Variants in TCERG1 observed in about 807,000 individuals in gnomAD.
TCERG1 encodes the protein transcription elongation regulator 1.
In TCERG1, 37 loss-of-function variants were observed where a neutral mutation model predicts 144.7. The observed-to-expected ratio is 0.26, with a 90% CI of 0.20 to 0.34. The LOEUF is 0.34. Ranked by LOEUF, TCERG1 falls within the 10% of genes least tolerant of loss-of-function variation. TCERG1 has a pLI of 1.00. For missense variants in TCERG1, 1,027 were observed against 1,380.7 expected (o/e 0.74, Z 4.06); for synonymous variants, 492 against 458.2 (o/e 1.07, Z -0.94).
chr5:146,462,480 G>T (rs1763421934), intron 4 of TCERG1, among the ~76,000 whole-genome samples: 1 of 152,214 alleles, frequency 6.6e-6, no homozygotes, highest in African/African-American at 2.4e-5. Flanking sequence ...ATGAAATAAG[G>T]ATTTTAGTTT....
chr5:146,463,268 G>T (rs750863822), intron 4 of TCERG1, among the ~76,000 whole-genome samples: 7 of 151,902 alleles, frequency 4.6e-5, no homozygotes, highest in South Asian at 2.1e-4. Flanking sequence ...TTTTCAAGGC[G>T]CAGCATCCCA....
chr5:146,485,508 T>C (rs79119708), intron 15 of TCERG1, among the ~76,000 whole-genome samples: 2,824 of 152,284 alleles, frequency 0.019, 94 homozygotes, highest in African/African-American at 0.064. Flanking sequence ...CTGAGTGTTA[T>C]AGTGAAATTA....
rs112605671 is a variant in TCERG1 at position 146,455,669 on chromosome 5, A to G, written c.285+388A>G. ...CCAGCAAGTCTAAAAATATATGTGTATATGTTCCTGAGTAAGTCTTCCTCC... is the reference window on the plus strand; with the variant it reads ...CCAGCAAGTCTAAAAATATATGTGTGTATGTTCCTGAGTAAGTCTTCCTCC... On this transcript the variant is annotated intron_variant, in intron 2 of 22. Coordinates refer to ENST00000679501, the MANE Select transcript of TCERG1 (RefSeq NM_001382548.1). Among the ~76,000 whole-genome samples, 6 of 152,334 alleles carry G rather than the reference A, an allele frequency of 3.9e-5. 1 individual carries two copies. The highest frequency in any genetic ancestry group is 1.4e-4 in the African/African-American group (6 of 41,580).
Position 146,459,326 on chromosome 5 carries a change from A to G in TCERG1, c.881A>G (p.Gln294Arg), listed in dbSNP as rs199852950. 6.2e-7 allele frequency: 1 copy of G among 1,613,946 alleles called. No individual in the cohort carries two copies. Among genetic ancestry groups the G allele is most frequent in the Non-Finnish European group, 8.5e-7 (1 of 1,179,946 alleles). Residue 294 changes from glutamine (Q) to arginine (R), a missense_variant, in exon 4 of 23, where the codon CAG becomes CGG. Physicochemically the swap from Gln to Arg is conservative, Grantham distance 43. Transcript: ENST00000679501. ...ACAACAACTGCTACTTCAGTTGCGC[A>G]GACAGTATCAAGTGAGTACCACTCA... ...STTTTATSVAQTVSTPTTQDQ... is the reference protein window; with the variant it reads ...STTTTATSVARTVSTPTTQDQ...
At chr5:146,510,112 G>C (rs988227452) in intron 22 of TCERG1, 1 of 1,312,194 alleles carries the variant, frequency 7.6e-7, no homozygotes, top group African/African-American at 1.5e-5. Context: ...GAAAGATGCT[G>C]GGATTGGCAG....
chr5:146,510,385 C>G, intron 22 of TCERG1, 56 bp from the exon 23 acceptor site: 1 of 1,189,594 alleles, frequency 8.4e-7, no homozygotes, highest in African/African-American at 1.6e-5. Context: ...CAGCTCATTT[C>G]TGAAAGACCT....
At chr5:146,455,632 T>C (rs1762758873) in intron 2 of TCERG1, among the ~76,000 whole-genome samples, 1 of 152,214 alleles carries the variant, frequency 6.6e-6, no homozygotes, top group Non-Finnish European at 1.5e-5. Context: ...TTATTTTCAA[T>C]GATATATGTT....
At chr5:146,470,086 T>A (rs1164083544) in intron 7 of TCERG1, among the ~76,000 whole-genome samples, 1 of 152,190 alleles carries the variant, frequency 6.6e-6, no homozygotes, top group Non-Finnish European at 1.5e-5. Flanking sequence ...TTTTTATATG[T>A]GTTCTGAAGA....
intron 16 of TCERG1, 110 bp from the exon 17 acceptor site, chr5:146,498,426 C>A: frequency 8.7e-7 from 1 of 1,149,246 alleles, no homozygotes; most frequent in South Asian, 1.7e-5. Context: ...GATGTTGAGT[C>A]CCAGTGTCTC....
Position 146,459,347 on chromosome 5 carries a change from A to C in TCERG1, c.892+10A>C. 2.5e-6 allele frequency: 4 copies of C among 1,610,480 alleles called. No individual in the cohort carries two copies. The highest frequency in any genetic ancestry group is 3.4e-6 in the Non-Finnish European group (4 of 1,177,504). On this transcript the variant is annotated intron_variant, in intron 4 of 22. Coordinates refer to ENST00000679501, the MANE Select transcript of TCERG1 (RefSeq NM_001382548.1). ...GCGCAGACAGTATCAAGTGAGTACC[A>C]CTCAGCATGTGTTTTTATATAGGGG...
intron 4 of TCERG1, among the ~76,000 whole-genome samples, chr5:146,463,308 T>C (rs1423477054): frequency 6.6e-6 from 1 of 152,220 alleles, no homozygotes; most frequent in Admixed American, 6.5e-5. Context: ...CTCTCACAGT[T>C]AGAAATGTTC....
At position 146,480,104 on chromosome 5, in the gene TCERG1, A is replaced by G; in HGVS notation, c.1886+10A>G. On this transcript the variant is annotated intron_variant, in intron 12 of 22. Transcript: ENST00000679501. ...AAGCAAAAAAACGGAAGTAAGTAAT[A>G]CATACGATTTGATTGAGGTAGATTA... 1 of 1,572,458 alleles carries G rather than the reference A, an allele frequency of 6.4e-7. No homozygotes were observed. Among genetic ancestry groups the G allele is most frequent in the Non-Finnish European group, 8.6e-7 (1 of 1,158,662 alleles).
At position 146,459,072 on chromosome 5, in the gene TCERG1, T is replaced by C. The variant is rs754374551; in HGVS notation, c.627T>C (p.Ala209=). The C allele has an allele frequency of 1.0e-3, 1,624 of 1,606,198 alleles. 8 individuals are homozygous for C. The African/African-American group carries it at 0.016, about 16-fold the overall frequency. The change falls in exon 4 of 23, where the codon GCT becomes GCC. Residue 209 remains alanine (A), a synonymous_variant. Transcript: ENST00000679501. The part of the protein sequence containing the change: ...AQAQAQAQAQ[A]QAQAQAQAQA... ...CACAAGCTCAGGCCCAGGCTCAGGC[T>C]CAGGCCCAGGCCCAGGCCCAGGCCC...
At chr5:146,508,487 C>T (rs990524999) in intron 21 of TCERG1, among the ~76,000 whole-genome samples, 5 of 152,150 alleles carry the variant, frequency 3.3e-5, no homozygotes, top group Admixed American at 1.3e-4. Flanking sequence ...TATAAAAACT[C>T]ATAAATCTAA....
rs780618123 is a variant in TCERG1, at chr5:146,459,330, A to G, written c.885A>G (p.Thr295=). Residue 295 remains threonine (T), a synonymous_variant, in exon 4 of 23, where the codon ACA becomes ACG. Coordinates refer to ENST00000679501, the MANE Select transcript of TCERG1 (RefSeq NM_001382548.1). The part of the protein sequence containing the change: ...TTTTATSVAQ[T]VSTPTTQDQT... ...CAACTGCTACTTCAGTTGCGCAGAC[A>G]GTATCAAGTGAGTACCACTCAGCAT... 4 of 1,613,892 alleles carry G rather than the reference A, an allele frequency of 2.5e-6. No individual in the cohort carries two copies. Among genetic ancestry groups the G allele is most frequent in the African/African-American group, 2.7e-5 (2 of 74,952 alleles).
rs570370401 is a variant in TCERG1 at position 146,481,327 on chromosome 5, ATTAG to A, written c.1937+131_1937+134del. 448 of 303,064 alleles carry A rather than the reference ATTAG, an allele frequency of 1.5e-3. 3 individuals are homozygous for A. Among genetic ancestry groups the A allele is most frequent in the African/African-American group, 9.4e-3 (417 of 44,146 alleles). 18.8% of individuals were successfully genotyped at this position (303,064 alleles called of 1,614,324 possible). On this transcript the variant is annotated intron_variant, in intron 13 of 22. Transcript: ENST00000679501. ...AGTTCTATAAAGGTTATTTGTTTTTATTAGTTACTTCTTGGATGTCTTTTAACTC... is the reference window on the plus strand; with the variant it reads ...AGTTCTATAAAGGTTATTTGTTTTTATTACTTCTTGGATGTCTTTTAACTC...
Position 146,510,657 on chromosome 5 carries a change from C to T in TCERG1, c.*15C>T, listed in dbSNP as rs1768388980. On this transcript the variant is annotated 3_prime_UTR_variant, in exon 23 of 23. Transcript: ENST00000679501. ...CAACAAAATAATTCTAAATACTCTT[C>T]CATAGGGGCATCTATTCAAAATGCT... is the stretch of plus-strand genomic sequence containing the variant. The T allele has an allele frequency of 6.2e-7, 1 of 1,604,496 alleles. No homozygotes were observed. The highest frequency in any genetic ancestry group is 1.7e-5 in the Admixed American group (1 of 58,100).
chr5:146,480,071 G>A lies in TCERG1; in HGVS notation c.1863G>A (p.Glu621=). 1 of 1,599,488 alleles carries A rather than the reference G, an allele frequency of 6.3e-7. No individual in the cohort carries two copies. The highest frequency in any genetic ancestry group is 8.5e-7 in the Non-Finnish European group (1 of 1,174,250). ...QELMEEINED[E]PVKAKKRKRM... ...TAATGGAAGAAATTAATGAAGATGA[G>A]CCTGTTAAAGCAAAAAAACGGAAGT... Residue 621 remains glutamate, a synonymous_variant, in exon 12 of 23, where the codon GAG becomes GAA. Transcript: ENST00000679501.
chr5:146,488,966 T>C (rs1394182710), intron 15 of TCERG1, among the ~76,000 whole-genome samples: 2 of 152,218 alleles, frequency 1.3e-5, no homozygotes, highest in African/African-American at 2.4e-5. Context: ...AAACATCTTA[T>C]GTTTTCACAC....
Sources: allele counts gnomAD v4.1 joint callset (sites outside exome capture counted in the v4.1 genomes callset), GRCh38; gene constraint gnomAD v4.1.1; transcripts MANE v1.5; gene names NCBI Gene and HGNC (gene_info 2026-07-23, HGNC 2026-07-21).